The following EFHC2 variants were observed in gnomAD, a reference collection of about 807,000 sequenced individuals.
EFHC2 encodes the protein EF-hand domain containing 2, also known as EF-hand domain-containing family member C2.
EFHC2 carries 18 observed loss-of-function variants against 52.7 expected under a neutral mutation model. The observed-to-expected ratio is 0.34, with a 90% confidence interval of 0.24 to 0.51. The LOEUF (loss-of-function observed/expected upper bound fraction) is 0.51. Ranked by LOEUF, EFHC2 falls within the 20% of genes least tolerant of loss-of-function variation. The pLI is 0.97. For synonymous variants in EFHC2, 203 were observed against 204.1 expected, an observed-to-expected ratio of 0.99 and a Z score of 0.04; for missense variants, 513 against 562.5, an observed-to-expected ratio of 0.91 and a Z score of 0.89.
At chrX:44,156,800 T>C (rs2036609538) in intron 14 of EFHC2, among the ~76,000 whole-genome samples, 1 of 112,576 alleles carries the variant, frequency 8.9e-6, no homozygotes, top group Non-Finnish European at 1.9e-5. Flanking sequence ...CCAGACAGGC[T>C]CTAAACAGTG....
intron 9 of EFHC2, among the ~76,000 whole-genome samples, chrX:44,234,492 T>C (rs1277679881): frequency 8.9e-6 from 1 of 112,357 alleles, no homozygotes; most frequent in East Asian, 2.8e-4. Flanking sequence ...GAGCTGACAG[T>C]TGAATTTTCA....
rs34889083 is a variant in EFHC2 at position 44,148,230 on chromosome X, C to CGTGT, written c.*561_*564dup. 0.15 allele frequency: 14,894 copies of CGTGT among 101,763 alleles called. 895 individuals carry two copies. The highest frequency in any genetic ancestry group is 0.23 in the Admixed American group (2,151 of 9,229). The allele number at this position is 101,763 out of a possible 1,213,427, so 8.4% of individuals were successfully genotyped here. A position where few individuals can be genotyped will look rare whatever the true frequency, so the allele number is the denominator to read the frequency against. ...TATGTTTCCAGTGTGTGTGCACGTG[C>CGTGT]GTGTGTGTGTGTGTGTGTGTGTGTG... On this transcript the variant is annotated 3_prime_UTR_variant, in exon 15 of 15. Transcript: ENST00000420999.
Position 44,319,473 on chromosome X carries a change from C to T in EFHC2, c.43-6717G>A, listed in dbSNP as rs764575300. On this transcript the variant is annotated intron_variant, in intron 1 of 14. Transcript: ENST00000420999. Reference sequence around the variant, plus strand: ...ATGCCACCCTAGTTGGTAATGGAGACGATTTCAGAGGGCGCGCAAGAATGT... The same window carrying T: ...ATGCCACCCTAGTTGGTAATGGAGATGATTTCAGAGGGCGCGCAAGAATGT... Among the ~76,000 whole-genome samples, 4 of 111,394 alleles carry T rather than the reference C, an allele frequency of 3.6e-5. No individual in the cohort carries two copies. In the East Asian group the frequency reaches 8.4e-4, roughly 23 times the overall value.
chrX:44,294,125 G>A (rs1378191778), intron 2 of EFHC2, among the ~76,000 whole-genome samples: 1 of 111,173 alleles, frequency 9.0e-6, no homozygotes, highest in Non-Finnish European at 1.9e-5. Context: ...CCCTTGGGAT[G>A]CTGAATAAAC....
At chrX:44,251,620 A>G (rs1214335381) in intron 4 of EFHC2, among the ~76,000 whole-genome samples, 1 of 55,818 alleles carries the variant, frequency 1.8e-5, no homozygotes, top group Non-Finnish European at 3.1e-5. Flanking sequence ...AAAAAAAAAA[A>G]AAAAAAAAAA....
At chrX:44,287,752 A>G (rs1286842599) in intron 2 of EFHC2, among the ~76,000 whole-genome samples, 1 of 112,352 alleles carries the variant, frequency 8.9e-6, no homozygotes, top group African/African-American at 3.2e-5. Flanking sequence ...TAATCTAGAA[A>G]TTCAATTTAC....
In EFHC2 at chrX:44,243,840, T is replaced by C. The variant is rs1305651416; in HGVS notation, c.1112-1551A>G. ...AAAGAGGAGAGTTCAAATCTTGGAA[T>C]TGGGCAGAATTGCAGTAGACTCTAT... On this transcript the variant is annotated intron_variant, in intron 7 of 14. Transcript: ENST00000420999. 4.5e-5 allele frequency among the ~76,000 whole-genome samples: 5 copies of C among 111,918 alleles called. No homozygotes were observed. The Admixed American group carries it at 4.7e-4, about 11-fold the overall frequency.
intron 11 of EFHC2, among the ~76,000 whole-genome samples, chrX:44,216,871 A>T (rs2037154520): frequency 9.0e-6 from 1 of 111,583 alleles, no homozygotes; most frequent in Non-Finnish European, 1.9e-5. Flanking sequence ...GGCAAATGGG[A>T]TCACATCAAG....
intron 2 of EFHC2, among the ~76,000 whole-genome samples, chrX:44,274,855 GCACTC>G (rs1433362139): frequency 1.8e-5 from 2 of 111,282 alleles, no homozygotes; most frequent in African/African-American, 6.5e-5. Flanking sequence ...CCTCGCCACT[GCACTC>G]CAGCCTGGGT....
intron 2 of EFHC2, among the ~76,000 whole-genome samples, chrX:44,280,022 A>C (rs2147358084): frequency 4.2e-5 from 3 of 71,691 alleles, no homozygotes; most frequent in South Asian, 6.9e-4. Context: ...GACATCCACC[A>C]TCCCCCATAC....
chrX:44,160,275 T>C (rs2036641439), intron 14 of EFHC2, among the ~76,000 whole-genome samples: 1 of 110,308 alleles, frequency 9.1e-6, no homozygotes, highest in Non-Finnish European at 1.9e-5. Flanking sequence ...TTGTGGGTCA[T>C]GAAATCAATT....
chrX:44,248,243 T>C, intron 7 of EFHC2, 29 bp downstream of exon 7: 5 of 1,080,547 alleles, frequency 4.6e-6, no homozygotes, highest in African/African-American at 1.9e-5. Flanking sequence ...ATTTTAAAAA[T>C]ATTTTTAATT....
chrX:44,257,865 C>T (rs2147342645), intron 4 of EFHC2, among the ~76,000 whole-genome samples: 1 of 112,034 alleles, frequency 8.9e-6, no homozygotes, highest in African/African-American at 3.2e-5. Context: ...GGAGGCATCA[C>T]ACTACCTGAC....
At chrX:44,297,304 T>C (rs962446401) in intron 2 of EFHC2, among the ~76,000 whole-genome samples, 1 of 111,457 alleles carries the variant, frequency 9.0e-6, no homozygotes, top group Non-Finnish European at 1.9e-5. Flanking sequence ...AGGCAGGCCA[T>C]GTTTCCAAAG....
intron 14 of EFHC2, among the ~76,000 whole-genome samples, chrX:44,162,784 G>A (rs187771157): frequency 9.1e-6 from 1 of 110,339 alleles, no homozygotes; most frequent in East Asian, 2.9e-4. Context: ...AGTCTGTTTA[G>A]AAGCAGCTAC....
intron 12 of EFHC2, among the ~76,000 whole-genome samples, chrX:44,176,714 T>C (rs10126100): frequency 0.011 from 1,188 of 112,354 alleles, 17 homozygotes; most frequent in African/African-American, 0.036. Context: ...TAGTCAAAAA[T>C]GGTTCTGATA....
chrX:44,206,023 T>C (rs1457119020), intron 11 of EFHC2, among the ~76,000 whole-genome samples: 1 of 111,882 alleles, frequency 8.9e-6, no homozygotes, highest in Non-Finnish European at 1.9e-5. Context: ...CTACTAAGCA[T>C]CTTCTTGGAC....
intron 10 of EFHC2, among the ~76,000 whole-genome samples, chrX:44,231,549 T>C (rs2037277509): frequency 9.4e-6 from 1 of 106,238 alleles, no homozygotes; most frequent in Non-Finnish European, 1.9e-5. Flanking sequence ...TCCCCCTTTA[T>C]CCTTCTCAGA....
chrX:44,263,438 T>C (rs1458469815), intron 3 of EFHC2, among the ~76,000 whole-genome samples: 1 of 112,102 alleles, frequency 8.9e-6, no homozygotes, highest in Non-Finnish European at 1.9e-5. Flanking sequence ...TGAGGGGAAA[T>C]TACCTAAAAT....
Sources: gnomAD v4.1 joint callset for allele counts (sites outside exome capture counted in the v4.1 genomes callset) on GRCh38, gnomAD v4.1.1 for gene constraint, MANE v1.5 for transcripts, NCBI Gene and HGNC (gene_info 2026-07-23, HGNC 2026-07-21) for gene names.